LRRC56: variants seen among roughly 807,000 people sequenced by gnomAD.
LRRC56 encodes leucine-rich repeat-containing protein 56.
LRRC56 carries 41 observed loss-of-function variants against 47.8 expected under a neutral mutation model. That is an observed-to-expected ratio of 0.86 (90% CI 0.67 to 1.11). The LOEUF is 1.11. Among genes scored for constraint, LRRC56 ranks in the 50% most tolerant of loss-of-function variants. The probability of loss-of-function intolerance (pLI) is 0.00; values close to 1 mark genes in which losing one functional copy is unlikely to be tolerated. For synonymous variants in LRRC56, 387 were observed against 311.2 expected (o/e 1.24, Z -2.56); for missense variants, 759 against 704.2 (o/e 1.08, Z -0.88).
chr11:545,640 C>T (rs1226088642), intron 6 of LRRC56, among the ~76,000 whole-genome samples: 1 of 152,220 alleles, frequency 6.6e-6, no homozygotes, highest in Non-Finnish European at 1.5e-5. Context: ...CAGGAAGCTC[C>T]GTGCCCCACA....
In LRRC56 at chr11:540,873, C is replaced by A. The variant is rs1309058443; in HGVS notation, c.177+12C>A. The A allele has an allele frequency of 1.3e-6, 2 of 1,531,956 alleles. No individual in the cohort carries two copies. Among genetic ancestry groups the A allele is most frequent in the Middle Eastern group, 2.0e-4 (1 of 5,042 alleles). The allele number at this position is 1,531,956 out of a possible 1,614,324, so 94.9% of individuals were successfully genotyped here. On this transcript the variant is annotated intron_variant, in intron 4 of 13. Coordinates refer to ENST00000270115, the MANE Select transcript of LRRC56 (RefSeq NM_198075.4). ...CCCCTGCCCGGCTGGTGAGTGTGGGCGCTGGGGGCTGTGGCCACAGAGGCC... is the reference window on the plus strand; with the variant it reads ...CCCCTGCCCGGCTGGTGAGTGTGGGAGCTGGGGGCTGTGGCCACAGAGGCC...
chr11:513,170 G>A, the LRRC56 span, among the ~76,000 whole-genome samples: 2 of 152,180 alleles, frequency 1.3e-5, no homozygotes, highest in Non-Finnish European at 2.9e-5. Context: ...AGACAGTCTC[G>A]CTCTGCTCTT....
chr11:521,822 G>A, the LRRC56 span, among the ~76,000 whole-genome samples: 1 of 151,940 alleles, frequency 6.6e-6, no homozygotes, highest in Admixed American at 6.6e-5. Flanking sequence ...GGCTGAGGCA[G>A]GAGAATGGCG....
chr11:531,675 G>C, the LRRC56 span, among the ~76,000 whole-genome samples: 1 of 152,184 alleles, frequency 6.6e-6, no homozygotes, highest in Non-Finnish European at 1.5e-5. Flanking sequence ...GGCAGGGATG[G>C]CCAGGCTCCC....
chr11:531,614 A>G, the LRRC56 span, among the ~76,000 whole-genome samples: 2 of 152,044 alleles, frequency 1.3e-5, no homozygotes, highest in Non-Finnish European at 2.9e-5. Flanking sequence ...GGGGCGGGGG[A>G]GAGTGGGGCA....
the LRRC56 span, among the ~76,000 whole-genome samples, chr11:511,676 G>A: frequency 6.6e-6 from 1 of 152,236 alleles, no homozygotes; most frequent in African/African-American, 2.4e-5. Flanking sequence ...GACAGTATAT[G>A]CCTCTGGAGA....
At chr11:553,939 C>T (rs1018761168) in intron 13 of LRRC56, 24 bp from the exon 14 acceptor site, 8 of 1,602,378 alleles carry the variant, frequency 5.0e-6, no homozygotes, top group Non-Finnish European at 6.8e-6. Flanking sequence ...TTTCTGACGT[C>T]CCATCACTCT....
At chr11:525,741 A>T in the LRRC56 span, among the ~76,000 whole-genome samples, 21 of 152,022 alleles carry the variant, frequency 1.4e-4, no homozygotes, top group East Asian at 2.9e-3. Flanking sequence ...ACGAAAAATT[A>T]AAAAAGCATT....
intron 6 of LRRC56, among the ~76,000 whole-genome samples, chr11:547,453 C>G (rs947408417): frequency 6.6e-6 from 1 of 151,756 alleles, no homozygotes; most frequent in African/African-American, 2.4e-5. Flanking sequence ...CCCGGGTTCA[C>G]GCCATTCCCC....
At position 541,597 on chromosome 11, in the gene LRRC56, A is replaced by G. The variant is rs770817592; in HGVS notation, c.238A>G (p.Thr80Ala). ...LVRTLEMCVD[T>A]REGSLGNFGV... The stretch of plus-strand genomic sequence containing the variant: ...GAGGACGCTGGAGATGTGTGTGGAC[A>G]CTCGTGAGGGCAGCCTGGGGAACTT... The change falls in exon 5 of 14, where the codon ACT (threonine) becomes GCT (alanine). Residue 80 changes from threonine to alanine, a missense_variant. Transcript: ENST00000270115. The surrounding 1 kb of genome is among the most constrained non-coding windows in gnomAD (Gnocchi z 4.1). The G allele has an allele frequency of 1.9e-6, 3 of 1,585,768 alleles. No homozygotes were observed. In the Admixed American group the frequency reaches 5.3e-5, roughly 28 times the overall value.
the LRRC56 span, among the ~76,000 whole-genome samples, chr11:516,650 A>G: frequency 2.0e-5 from 3 of 152,012 alleles, no homozygotes; most frequent in African/African-American, 7.2e-5. Flanking sequence ...TTAAAAGACA[A>G]AAAGACGGCC....
chr11:549,094 G>A (rs756806832), intron 6 of LRRC56, among the ~76,000 whole-genome samples: 1 of 152,176 alleles, frequency 6.6e-6, no homozygotes, highest in Non-Finnish European at 1.5e-5. Context: ...CCCACAGAAG[G>A]AAGCTGAAAA....
At chr11:542,725 T>C (rs994489902) in intron 5 of LRRC56, among the ~76,000 whole-genome samples, 7 of 152,070 alleles carry the variant, frequency 4.6e-5, no homozygotes, top group African/African-American at 1.7e-4. Context: ...CCTGAACTAG[T>C]TGAGAGTTGG....
the LRRC56 span, among the ~76,000 whole-genome samples, chr11:518,111 T>C: frequency 6.6e-6 from 1 of 151,946 alleles, no homozygotes; most frequent in African/African-American, 2.4e-5. Flanking sequence ...TCCACTATTA[T>C]CCTATGACCC....
At chr11:535,439 G>GGGGCCA (rs1159229938), upstream of LRRC56, 5 of 145,178 alleles carry the variant, frequency 3.4e-5, no homozygotes, top group Admixed American at 7.0e-5. Context: ...GACTGCCCCC[G>GGGGCCA]GGGCCAGGGC....
the LRRC56 span, among the ~76,000 whole-genome samples, chr11:520,477 C>T: frequency 2.6e-5 from 4 of 152,104 alleles, no homozygotes; most frequent in African/African-American, 7.2e-5. Context: ...CCACCACGTC[C>T]GGCTCATTTT....
the LRRC56 span, among the ~76,000 whole-genome samples, chr11:527,402 T>C: frequency 1.3e-5 from 2 of 152,178 alleles, no homozygotes; most frequent in South Asian, 2.1e-4. Flanking sequence ...AAATCTGTTA[T>C]CAGTTGAACA....
intron 9 of LRRC56, 46 bp from the exon 10 acceptor site, chr11:551,605 C>A: frequency 6.6e-7 from 1 of 1,518,976 alleles, no homozygotes; most frequent in South Asian, 1.3e-5. Flanking sequence ...CTGGGGGGCG[C>A]TCTCAGGCTG....
rs1056311315 is a variant in LRRC56, at chr11:540,809, G to T, written c.125G>T (p.Arg42Met). Residue 42 changes from arginine (R) to methionine (M), a missense_variant, in exon 4 of 14, where the codon AGG becomes ATG. By Grantham distance (91) the Arg-to-Met change is moderately conservative. Transcript: ENST00000270115. ...CPQSKGPGSQ[R>M]DRLGEQLVEE... is the part of the protein sequence containing the mutation. ...CAGAGCAAGGGCCCTGGCAGTCAGA[G>T]GGACAGACTTGGAGAGCAGCTGGTG... 3.7e-6 allele frequency: 6 copies of T among 1,600,706 alleles called. No homozygotes were observed. The highest frequency in any genetic ancestry group is 5.1e-6 in the Non-Finnish European group (6 of 1,174,496).
Sources: gnomAD v4.1 joint callset for allele counts (sites outside exome capture counted in the v4.1 genomes callset) on GRCh38, gnomAD v4.1.1 for gene constraint, Gnocchi (gnomAD v3.1) non-coding constraint, MANE v1.5 for transcripts, NCBI Gene and HGNC (gene_info 2026-07-23, HGNC 2026-07-21) for gene names.